The following NUP214 variants were observed in gnomAD, a reference collection of about 807,000 sequenced individuals.
NUP214 encodes the protein nuclear pore complex protein Nup214.
A neutral mutation model predicts 196.2 loss-of-function variants in NUP214; 79 were observed. That is an observed-to-expected ratio of 0.40 (90% CI 0.34 to 0.49). The LOEUF is 0.49. NUP214 is among the 20% of genes least tolerant of loss of function. NUP214 has a pLI of 0.58. For missense variants in NUP214, 2,468 were observed against 2,539.0 expected (o/e 0.97, Z 0.60); for synonymous variants, 1,020 against 990.5 (o/e 1.03, Z -0.56).
In NUP214 at chr9:131,146,009, A is replaced by G; in HGVS notation, c.1770-120A>G. The G allele has an allele frequency of 1.0e-6, 1 of 984,312 alleles. No individual in the cohort carries two copies. Among genetic ancestry groups the G allele is most frequent in the Non-Finnish European group, 1.5e-6 (1 of 667,000 alleles). The allele number at this position is 984,312 out of a possible 1,614,324, so 61.0% of individuals were successfully genotyped here. On this transcript the variant is annotated intron_variant, in intron 12 of 35. Coordinates refer to ENST00000359428, the MANE Select transcript of NUP214 (RefSeq NM_005085.4). The surrounding 1 kb of genome is among the most constrained non-coding windows in gnomAD (Gnocchi z 4.6). The stretch of plus-strand genomic sequence containing the variant: ...TTTTTGTTTCCTGAAGGCAAAAAGT[A>G]TGTTATCTTTGTAAGTTAACATAAA...
At chr9:131,156,233 C>T (rs1464711913) in intron 17 of NUP214, among the ~76,000 whole-genome samples, 1 of 150,278 alleles carries the variant, frequency 6.7e-6, no homozygotes, top group Non-Finnish European at 1.5e-5. Context: ...CCCGGGTTCA[C>T]GCCATCCTCC....
At chr9:131,230,861 G>C in intron 34 of NUP214, 92 bp downstream of exon 34, 1 of 1,428,086 alleles carries the variant, frequency 7.0e-7, no homozygotes, top group South Asian at 1.3e-5. Flanking sequence ...TGACCAGTCT[G>C]TTTAGTATTT....
chr9:131,215,506 A>G (rs1185886719), intron 31 of NUP214, 138 bp downstream of exon 31: 3 of 971,120 alleles, frequency 3.1e-6, no homozygotes, highest in Non-Finnish European at 4.3e-6. Context: ...TCCCCAAAGC[A>G]GTGTGATCTG....
At position 131,231,469 on chromosome 9, in the gene NUP214, CA is replaced by C. The variant is rs544215582; in HGVS notation, c.6214+701del. ...GCCTCCCAGAGTGCTGGGATTACAG[CA>C]CCTGGCATATATATTTTTTTTTAGG... On this transcript the variant is annotated intron_variant, in intron 34 of 35. Coordinates refer to ENST00000359428, the MANE Select transcript of NUP214 (RefSeq NM_005085.4). Among the ~76,000 whole-genome samples, 89 of 152,068 alleles carry C rather than the reference CA, an allele frequency of 5.9e-4. 1 individual carries two copies. Among genetic ancestry groups the C allele is most frequent in the African/African-American group, 2.0e-3 (83 of 41,476 alleles).
Position 131,233,518 on chromosome 9 carries a change from G to T in NUP214, c.*31G>T. ...TGTCAGCAGGCCTTTCGATCCCTGG[G>T]ACCAACCGCATCCTCAGCTTCTTCC... On this transcript the variant is annotated 3_prime_UTR_variant, in exon 36 of 36. Coordinates refer to ENST00000359428, the MANE Select transcript of NUP214 (RefSeq NM_005085.4). The T allele has an allele frequency of 6.2e-7, 1 of 1,613,174 alleles. No homozygotes were observed.
At chr9:131,138,243 C>A (rs72768572) in intron 9 of NUP214, among the ~76,000 whole-genome samples, 1 of 148,816 alleles carries the variant, frequency 6.7e-6, no homozygotes, top group East Asian at 2.1e-4. Context: ...CCTCCCCTCC[C>A]CTCCCCTCCC....
rs757117431 is a variant in NUP214 at position 131,198,987 on chromosome 9, C to T, written c.5493C>T (p.Thr1831=). 1.2e-6 allele frequency: 2 copies of T among 1,604,278 alleles called. No homozygotes were observed. The highest frequency in any genetic ancestry group is 2.2e-5 in the South Asian group (2 of 90,414). Residue 1831 remains threonine, a synonymous_variant, in exon 29 of 36, where the codon ACC becomes ACT. Transcript: ENST00000359428. ...GTSAATTTAA[T]SGFSFCQASG... ...CAGCTGCCACCACAACAGCAGCAAC[C>T]TCTGGGTTCAGCTTTTGCCAAGCTT... is the stretch of plus-strand genomic sequence containing the variant.
chr9:131,211,230 A>T (rs1355401767), intron 30 of NUP214, among the ~76,000 whole-genome samples: 1 of 152,214 alleles, frequency 6.6e-6, no homozygotes, highest in African/African-American at 2.4e-5. Flanking sequence ...ATAAAGCATG[A>T]TGTGATAATA....
At chr9:131,220,550 T>C (rs890406958) in intron 31 of NUP214, among the ~76,000 whole-genome samples, 14 of 152,180 alleles carry the variant, frequency 9.2e-5, no homozygotes, top group African/African-American at 3.1e-4. Context: ...CTAGCTGAAG[T>C]GTGATTGAGA....
rs772813152 is a variant in NUP214, at chr9:131,136,030, T to C, written c.1005+24T>C. On this transcript the variant is annotated intron_variant, in intron 9 of 35. Transcript: ENST00000359428. ...AGGTAAATCTCTTTTTTGTCACTTC[T>C]GTGGTGCTTTCTTTTTTAAATTATT... The C allele has an allele frequency of 9.6e-6, 15 of 1,558,640 alleles. No homozygotes were observed. The Admixed American group carries it at 1.9e-4, about 19-fold the overall frequency.
In NUP214 at chr9:131,172,345, AT is replaced by A. The variant is rs1832983810; in HGVS notation, c.2894-1709del. ...TGTCATGTGTTTTTTGGCTGCATAA[AT>A]GTCTTCTTTTGAGAAGTGTCTGTTC... On this transcript the variant is annotated intron_variant, in intron 21 of 35. Coordinates refer to ENST00000359428, the MANE Select transcript of NUP214 (RefSeq NM_005085.4). Among the ~76,000 whole-genome samples, 3 of 152,154 alleles carry A rather than the reference AT, an allele frequency of 2.0e-5. No homozygotes were observed. In the South Asian group the frequency reaches 6.2e-4, roughly 32 times the overall value.
chr9:131,132,115 C>CTTTTTTTTTTT lies in NUP214; in HGVS notation c.664-478_664-477insTTTTTTTTTTT, dbSNP rs142450352. Among the ~76,000 whole-genome samples the CTTTTTTTTTTT allele has an allele frequency of 2.0e-3, 217 of 107,956 alleles. 4 individuals carry two copies. Among genetic ancestry groups the CTTTTTTTTTTT allele is most frequent in the Non-Finnish European group, 2.7e-3 (148 of 54,662 alleles). The allele number at this position is 107,956 out of a possible 152,430, so 70.8% of individuals were successfully genotyped here. ...TGCGTTCATGCGTTTCTTTTCTTTT[C>CTTTTTTTTTTT]TTTCTTTTTTTTTTTTTTTTGGAGA... is the stretch of plus-strand genomic sequence containing the variant. On this transcript the variant is annotated intron_variant, in intron 5 of 35. Coordinates refer to ENST00000359428, the MANE Select transcript of NUP214 (RefSeq NM_005085.4).
intron 26 of NUP214, 84 bp from the exon 27 acceptor site, chr9:131,192,124 A>C: frequency 1.1e-6 from 1 of 907,244 alleles, no homozygotes. Context: ...GCTGAGCTAC[A>C]GGGAATTATA....
chr9:131,185,318 C>G (rs531935932), intron 24 of NUP214, among the ~76,000 whole-genome samples: 1 of 152,316 alleles, frequency 6.6e-6, no homozygotes. Flanking sequence ...TTATTTTTCT[C>G]CAAGAACCCG....
chr9:131,216,268 A>G (rs1834393144), intron 31 of NUP214, among the ~76,000 whole-genome samples: 1 of 150,476 alleles, frequency 6.6e-6, no homozygotes, highest in Non-Finnish European at 1.5e-5. Flanking sequence ...TCTGTCACCA[A>G]GGCTGGAGTG....
At chr9:131,216,212 T>TC (rs1491251170) in intron 31 of NUP214, among the ~76,000 whole-genome samples, 1 of 148,026 alleles carries the variant, frequency 6.8e-6, no homozygotes, top group Non-Finnish European at 1.5e-5. Context: ...TTTTAAAAAT[T>TC]CTTTTTTTTT....
chr9:131,194,294 G>A (rs1230559258), intron 27 of NUP214: 2 of 150,840 alleles, frequency 1.3e-5, no homozygotes, highest in East Asian at 1.9e-4. Flanking sequence ...TTAGCCCCCC[G>A]AATAACTGGG....
chr9:131,206,162 T>TTTTTTTTTTTTTTTTTTTTTTTTTG (rs71372703), intron 30 of NUP214, among the ~76,000 whole-genome samples: 1 of 126,340 alleles, frequency 7.9e-6, no homozygotes, highest in Non-Finnish European at 1.7e-5. Context: ...TTTTTTTTTT[T>TTTTTTTTTTTTTTTTTTTTTTTTTG]GAGACAGGGT....
chr9:131,218,574 A>AC (rs930559425), intron 31 of NUP214, among the ~76,000 whole-genome samples: 1 of 149,204 alleles, frequency 6.7e-6, no homozygotes, highest in Non-Finnish European at 1.5e-5. Context: ...CCCCTCACCA[A>AC]CCCCCGCACT....
Sources: allele counts gnomAD v4.1 joint callset (sites outside exome capture counted in the v4.1 genomes callset), GRCh38; gene constraint gnomAD v4.1.1; non-coding constraint Gnocchi (gnomAD v3.1); transcripts MANE v1.5; gene names NCBI Gene and HGNC (gene_info 2026-07-23, HGNC 2026-07-21).